The following PCDH15 variants were observed in gnomAD, a reference collection of about 807,000 sequenced individuals.
PCDH15 encodes the protein protocadherin related 15, also known as protocadherin-15.
PCDH15 carries 129 observed loss-of-function variants against 178.5 expected under a neutral mutation model. The observed-to-expected ratio is 0.72, with a 90% confidence interval of 0.63 to 0.84. The LOEUF is 0.84. PCDH15 is among the 40% of genes least tolerant of loss of function. The probability of loss-of-function intolerance (pLI) is 0.00; values close to 1 mark genes in which losing one functional copy is unlikely to be tolerated. For missense variants in PCDH15, 2,230 were observed against 2,099.9 expected, an observed-to-expected ratio of 1.06 and a Z score of -1.21; for synonymous variants, 800 against 732.0, an observed-to-expected ratio of 1.09 and a Z score of -1.50.
At chr10:55,544,739 T>C (rs1375416813) in intron 2 of PCDH15, among the ~76,000 whole-genome samples, 2 of 152,114 alleles carry the variant, frequency 1.3e-5, no homozygotes, top group African/African-American at 2.4e-5. Flanking sequence ...ATCTGGTGTA[T>C]TTTTTGTCAT....
chr10:55,531,704 A>T (rs1001987264), intron 2 of PCDH15, among the ~76,000 whole-genome samples: 2 of 152,032 alleles, frequency 1.3e-5, no homozygotes, highest in African/African-American at 2.4e-5. Context: ...CGAGTAATTG[A>T]ATAACAGATG....
intron 13 of PCDH15, among the ~76,000 whole-genome samples, chr10:54,177,507 G>A (rs2133721231): frequency 6.6e-6 from 1 of 152,158 alleles, no homozygotes; most frequent in South Asian, 2.1e-4. Context: ...ATTGGGGCAG[G>A]TATGCATCTG....
intron 1 of PCDH15, among the ~76,000 whole-genome samples, chr10:54,677,908 T>C (rs1366493512): frequency 6.6e-6 from 1 of 152,204 alleles, no homozygotes; most frequent in Non-Finnish European, 1.5e-5. Flanking sequence ...TTAGGACCAC[T>C]GTACTATCAT....
At chr10:54,885,736 C>T (rs570054124) in intron 3 of PCDH15, among the ~76,000 whole-genome samples, 2 of 152,016 alleles carry the variant, frequency 1.3e-5, no homozygotes, top group South Asian at 4.2e-4. Context: ...CTCACTATTC[C>T]ATACATACTG....
At chr10:55,160,250 T>C (rs2799574) in intron 2 of PCDH15, among the ~76,000 whole-genome samples, 130,319 of 151,772 alleles carry the variant, frequency 0.86, 56,180 homozygotes, top group East Asian at 0.99. Context: ...GACTAGAGAG[T>C]CAGCAGTAAT....
At chr10:54,929,163 T>C (rs1015355199) in intron 2 of PCDH15, among the ~76,000 whole-genome samples, 2 of 152,212 alleles carry the variant, frequency 1.3e-5, no homozygotes, top group Non-Finnish European at 2.9e-5. Context: ...GCCAATTGAA[T>C]GGCTTTCTTT....
At chr10:55,323,014 G>A (rs1843943813), upstream of PCDH15, among the ~76,000 whole-genome samples, 1 of 152,150 alleles carries the variant, frequency 6.6e-6, no homozygotes, top group Non-Finnish European at 1.5e-5. Context: ...GTCGCCCTGT[G>A]TCCCAGCTGC....
At chr10:54,429,280 T>G (rs1010821698) in intron 3 of PCDH15, among the ~76,000 whole-genome samples, 1 of 152,100 alleles carries the variant, frequency 6.6e-6, no homozygotes, top group African/African-American at 2.4e-5. Flanking sequence ...AATAATGGTT[T>G]GTAAGATAAT....
intron 26 of PCDH15, among the ~76,000 whole-genome samples, chr10:53,882,003 T>C (rs940355908): frequency 1.1e-4 from 17 of 152,092 alleles, no homozygotes; most frequent in Non-Finnish European, 2.1e-4. Context: ...TTTTTTTTTT[T>C]TTTTAACATG....
chr10:55,020,080 A>C (rs1840284593), intron 2 of PCDH15, among the ~76,000 whole-genome samples: 1 of 149,352 alleles, frequency 6.7e-6, no homozygotes, highest in Non-Finnish European at 1.5e-5. Context: ...TAGTGGATTA[A>C]TATTTTCTCC....
At chr10:54,731,907 T>G (rs563888257) in intron 1 of PCDH15, among the ~76,000 whole-genome samples, 12 of 151,084 alleles carry the variant, frequency 7.9e-5, no homozygotes, top group Admixed American at 6.0e-4. Flanking sequence ...TGATTATAGT[T>G]TGCAATGATT....
chr10:54,357,118 T>C (rs1016180399), intron 5 of PCDH15, among the ~76,000 whole-genome samples: 54 of 152,132 alleles, frequency 3.5e-4, no homozygotes, highest in Non-Finnish European at 7.5e-4. Context: ...GGATGCCCTC[T>C]CTCACCACTC....
At chr10:55,137,902 G>A (rs2132084999) in intron 2 of PCDH15, among the ~76,000 whole-genome samples, 1 of 152,144 alleles carries the variant, frequency 6.6e-6, no homozygotes, top group Admixed American at 6.6e-5. Flanking sequence ...GGGGCAGGAG[G>A]GTAGTAACGA....
At chr10:54,089,148 G>A (rs887717728) in intron 16 of PCDH15, among the ~76,000 whole-genome samples, 3 of 152,154 alleles carry the variant, frequency 2.0e-5, no homozygotes, top group Non-Finnish European at 2.9e-5. Flanking sequence ...AGGTATTTCT[G>A]GGAAGACTAA....
intron 1 of PCDH15, among the ~76,000 whole-genome samples, chr10:55,226,288 A>T (rs538810805): frequency 6.6e-6 from 1 of 152,260 alleles, no homozygotes; most frequent in Non-Finnish European, 1.5e-5. Flanking sequence ...AGAACACAAA[A>T]TATTATTTAA....
chr10:55,237,159 G>C (rs1841405217), intron 1 of PCDH15, among the ~76,000 whole-genome samples: 2 of 152,012 alleles, frequency 1.3e-5, no homozygotes, highest in Non-Finnish European at 1.5e-5. Context: ...AACTTTGTCA[G>C]GTAAACAATT....
At chr10:55,408,242 G>A (rs1482137577) in intron 2 of PCDH15, among the ~76,000 whole-genome samples, 1 of 151,040 alleles carries the variant, frequency 6.6e-6, no homozygotes, top group Non-Finnish European at 1.5e-5. Flanking sequence ...CTGGAGTGCA[G>A]TGGTGCGATC....
At chr10:55,402,666 T>A (rs757524240) in intron 2 of PCDH15, among the ~76,000 whole-genome samples, 35 of 152,038 alleles carry the variant, frequency 2.3e-4, no homozygotes, top group Non-Finnish European at 4.6e-4. Flanking sequence ...TTAATTTTTA[T>A]GTCTGAATAA....
At chr10:54,294,139 T>C (rs2059597973) in intron 8 of PCDH15, among the ~76,000 whole-genome samples, 1 of 152,002 alleles carries the variant, frequency 6.6e-6, no homozygotes, top group African/African-American at 2.4e-5. Context: ...TGTGCAGCCA[T>C]AAAAAAGGAT....
Sources: allele counts gnomAD v4.1 joint callset (sites outside exome capture counted in the v4.1 genomes callset), GRCh38; gene constraint gnomAD v4.1.1; transcripts MANE v1.5; gene names NCBI Gene and HGNC (gene_info 2026-07-23, HGNC 2026-07-21).